The following CRYBG3 variants were observed in gnomAD, a reference collection of about 807,000 sequenced individuals.
CRYBG3 encodes crystallin beta-gamma domain containing 3.
Under a neutral mutation model 244.2 loss-of-function variants are expected in CRYBG3, and 127 were observed. The observed-to-expected ratio is 0.52, with a 90% CI of 0.45 to 0.60. CRYBG3 has a LOEUF of 0.60. CRYBG3 is among the 20% of genes least tolerant of loss of function. The probability of loss-of-function intolerance (pLI) is 0.00; values close to 1 mark genes in which losing one functional copy is unlikely to be tolerated. For missense variants in CRYBG3, 3,325 were observed against 3,442.5 expected, an observed-to-expected ratio of 0.97 and a Z score of 0.85; for synonymous variants, 1,132 against 1,195.8, an observed-to-expected ratio of 0.95 and a Z score of 1.10.
At chr3:97,924,077 G>A (rs576794204) in intron 17 of CRYBG3, 1 of 169,334 alleles carries the variant, frequency 5.9e-6, no homozygotes, top group African/African-American at 2.4e-5. Flanking sequence ...TAATTAGTGG[G>A]AATCAGTACA....
At chr3:97,902,079 G>A (rs76733012) in intron 15 of CRYBG3, among the ~76,000 whole-genome samples, 1,779 of 152,178 alleles carry the variant, frequency 0.012, 25 homozygotes, top group African/African-American at 0.04. Flanking sequence ...TGGCTGACAC[G>A]CTGGTTCCGT....
rs186660064 is a variant in CRYBG3, at chr3:97,873,743, A to G, written c.2549A>G (p.Asn850Ser). The G allele has an allele frequency of 3.1e-5, 48 of 1,535,780 alleles. No homozygotes were observed. In the African/African-American group the frequency reaches 6.2e-4, roughly 20 times the overall value. ...TCTCTTTCAAAAGTGGAGCCCAGAAACATTTCTCAGGATAAAATGTCTTCT... is the reference window on the plus strand; with the variant it reads ...TCTCTTTCAAAAGTGGAGCCCAGAAGCATTTCTCAGGATAAAATGTCTTCT... Reference protein sequence around the residue: ...KVSLSKVEPRNISQDKMSSFP... With the variant: ...KVSLSKVEPRSISQDKMSSFP... The change falls in exon 4 of 22, where the codon AAC becomes AGC. Residue 850 changes from asparagine to serine, a missense_variant. Physicochemically the swap from Asn to Ser is conservative, Grantham distance 46. Around this residue, in one of 4 missense-constraint regions of CRYBG3, gnomAD observed 1,526 missense variants for 1,443.2 expected, o/e 1.06. Coordinates refer to ENST00000389622, the MANE Select transcript of CRYBG3 (RefSeq NM_153605.4).
Position 97,876,994 on chromosome 3 carries a change from TC to T in CRYBG3, c.5804del (p.Pro1935LeufsTer3). ...RLPTYFRGYE[S>X]PTLSKDYEGY... ...TCCTACATATTTCAGGGGATATGAA[TC>T]CCCTACATTAAGTAAGGATTATGAG... On this transcript the variant is annotated frameshift_variant, in exon 4 of 22. Coordinates refer to ENST00000389622, the MANE Select transcript of CRYBG3 (RefSeq NM_153605.4). LOFTEE classifies it high-confidence loss of function. 1 of 1,522,134 alleles carries T rather than the reference TC, an allele frequency of 6.6e-7. No homozygotes were observed. The highest frequency in any genetic ancestry group is 2.3e-5 in the East Asian group (1 of 44,046). 94.3% of individuals were successfully genotyped at this position (1,522,134 alleles called of 1,614,324 possible).
Position 97,873,566 on chromosome 3 carries a change from A to C in CRYBG3, c.2372A>C (p.Lys791Thr), listed in dbSNP as rs2039331398. 1 of 1,535,250 alleles carries C rather than the reference A, an allele frequency of 6.5e-7. No homozygotes were observed. Among genetic ancestry groups the C allele is most frequent in the African/African-American group, 1.4e-5 (1 of 72,612 alleles). ...GTAGAGTTAGTGTCTTCAAACACTAAAGCAAATATGAGCATAATAGAGAAG... is the reference window on the plus strand; with the variant it reads ...GTAGAGTTAGTGTCTTCAAACACTACAGCAAATATGAGCATAATAGAGAAG... Reference protein sequence around the residue: ...NRVELVSSNTKANMSIIEKSD... With the variant: ...NRVELVSSNTTANMSIIEKSD... Residue 791 changes from lysine (K) to threonine (T), a missense_variant, in exon 4 of 22, where the codon AAA (lysine) becomes ACA (threonine). Around this residue, in one of 4 missense-constraint regions of CRYBG3, gnomAD observed 1,526 missense variants for 1,443.2 expected, o/e 1.06. Transcript: ENST00000389622.
At position 97,872,440 on chromosome 3, in the gene CRYBG3, A is replaced by G; in HGVS notation, c.1246A>G (p.Ser416Gly). The G allele has an allele frequency of 6.5e-7, 1 of 1,535,992 alleles. No homozygotes were observed. The highest frequency in any genetic ancestry group is 8.7e-7 in the Non-Finnish European group (1 of 1,146,796). The change falls in exon 4 of 22, where the codon AGT becomes GGT. Residue 416 changes from serine to glycine, a missense_variant. Ser to Gly is a moderately conservative substitution (Grantham distance 56, BLOSUM62 0). Transcript: ENST00000389622. ...NTIKENSTVM[S>G]NRTLVQREEL... The stretch of plus-strand genomic sequence containing the variant: ...GATAAAAGAAAACAGCACTGTGATG[A>G]GTAATAGGACATTGGTGCAAAGAGA...
chr3:97,870,135 A>C (rs756551387), intron 3 of CRYBG3, among the ~76,000 whole-genome samples: 4 of 152,154 alleles, frequency 2.6e-5, no homozygotes, highest in Non-Finnish European at 5.9e-5. Flanking sequence ...GTTTTTTTAA[A>C]AAATAATTTC....
Position 97,875,531 on chromosome 3 carries a change from G to T in CRYBG3, c.4337G>T (p.Arg1446Leu). 7.1e-6 allele frequency: 9 copies of T among 1,264,194 alleles called. No homozygotes were observed. Among genetic ancestry groups the T allele is most frequent in the African/African-American group, 1.5e-5 (1 of 64,800 alleles). The allele number at this position is 1,264,194 out of a possible 1,614,324, so 78.3% of individuals were successfully genotyped here. The change falls in exon 4 of 22, where the codon CGC becomes CTC. Residue 1446 changes from arginine (R) to leucine (L), a missense_variant. Physicochemically the swap from Arg to Leu is moderately radical, Grantham distance 102. Around this residue, in one of 4 missense-constraint regions of CRYBG3, gnomAD observed 635 missense variants for 771.7 expected, o/e 0.82. Coordinates refer to ENST00000389622, the MANE Select transcript of CRYBG3 (RefSeq NM_153605.4). ...GATAGGGTAAAAACACATTTATTTCGCAGTGAGGACTGTAATGAGACAATG... is the reference window on the plus strand; with the variant it reads ...GATAGGGTAAAAACACATTTATTTCTCAGTGAGGACTGTAATGAGACAATG... The part of the protein sequence containing the change: ...LDDRVKTHLF[R>L]SEDCNETMEI...
At chr3:97,913,031 TC>T (rs1426338386) in intron 16 of CRYBG3, among the ~76,000 whole-genome samples, 4 of 152,130 alleles carry the variant, frequency 2.6e-5, no homozygotes, top group African/African-American at 9.7e-5. Context: ...TCCTCCTTTC[TC>T]CCTTGAATCA....
chr3:97,941,272 T>A lies in CRYBG3; in HGVS notation c.8630T>A (p.Ile2877Asn), dbSNP rs2040226511. The part of the protein sequence containing the change: ...ISPYSGKNTQ[I>N]WYYCRGLFKS... ...CCCTATAGTGGAAAGAATACTCAGA[T>A]CTGGTACTACTGCCGAGGACTCTTT... Residue 2877 changes from isoleucine to asparagine, a missense_variant, in exon 20 of 22, where the codon ATC (isoleucine) becomes AAC (asparagine). By Grantham distance (149) the Ile-to-Asn change is moderately radical. Coordinates refer to ENST00000389622, the MANE Select transcript of CRYBG3 (RefSeq NM_153605.4). 6.2e-7 allele frequency: 1 copy of A among 1,610,836 alleles called. No homozygotes were observed. The highest frequency in any genetic ancestry group is 1.3e-5 in the African/African-American group (1 of 74,836).
intron 1 of CRYBG3, among the ~76,000 whole-genome samples, chr3:97,829,933 C>A (rs1346568548): frequency 1.3e-5 from 2 of 152,034 alleles, no homozygotes; most frequent in Non-Finnish European, 2.9e-5. Context: ...TTTTTTCAAT[C>A]TCATTTAAGC....
chr3:97,853,143 C>G (rs1460947689), intron 2 of CRYBG3, among the ~76,000 whole-genome samples: 1 of 151,994 alleles, frequency 6.6e-6, no homozygotes, highest in Non-Finnish European at 1.5e-5. Context: ...AATGTGTAGT[C>G]TTTTATCCCT....
At chr3:97,880,175 T>C (rs1246554125) in intron 6 of CRYBG3, 75 bp downstream of exon 6, 2 of 748,696 alleles carry the variant, frequency 2.7e-6, no homozygotes, top group African/African-American at 1.8e-5. Flanking sequence ...TGCTTTTTTT[T>C]CTATTTTTTA....
chr3:97,905,655 G>C (rs1252669469), intron 15 of CRYBG3, among the ~76,000 whole-genome samples: 1 of 150,236 alleles, frequency 6.7e-6, no homozygotes, highest in African/African-American at 2.4e-5. Context: ...CCCTTTGTCA[G>C]ATGAGTAGGT....
chr3:97,878,371 G>C (rs1434937527), intron 4 of CRYBG3, among the ~76,000 whole-genome samples: 1 of 152,170 alleles, frequency 6.6e-6, no homozygotes, highest in Non-Finnish European at 1.5e-5. Context: ...GATCGCACCA[G>C]TGCACTCCAG....
At chr3:97,822,539 G>T (rs1576502438) in intron 1 of CRYBG3, among the ~76,000 whole-genome samples, 184 bp downstream of exon 1, 1 of 152,182 alleles carries the variant, frequency 6.6e-6, no homozygotes, top group South Asian at 2.1e-4. Context: ...CGCACTACTC[G>T]CCTCTCCTCT....
At chr3:97,827,990 A>G (rs749819645) in intron 1 of CRYBG3, among the ~76,000 whole-genome samples, 1 of 152,204 alleles carries the variant, frequency 6.6e-6, no homozygotes, top group Non-Finnish European at 1.5e-5. Context: ...AGAGCTATGG[A>G]CAATCAAGAA....
chr3:97,891,067 G>A (rs556295854), intron 10 of CRYBG3, among the ~76,000 whole-genome samples: 1 of 152,156 alleles, frequency 6.6e-6, no homozygotes, highest in South Asian at 2.1e-4. Flanking sequence ...TTGCATGTCT[G>A]TTTCTTCTCA....
At chr3:97,924,867 G>C (rs113736587) in intron 17 of CRYBG3, among the ~76,000 whole-genome samples, 5,369 of 152,138 alleles carry the variant, frequency 0.035, 298 homozygotes, top group African/African-American at 0.12. Flanking sequence ...CATATTCACA[G>C]GTTCTAAGAA....
chr3:97,890,639 A>G (rs1271957644), intron 10 of CRYBG3, among the ~76,000 whole-genome samples: 2 of 152,202 alleles, frequency 1.3e-5, no homozygotes, highest in African/African-American at 2.4e-5. Context: ...CCTAACATGG[A>G]AAAGTGCAGG....
Sources: gnomAD v4.1 joint callset for allele counts (sites outside exome capture counted in the v4.1 genomes callset) on GRCh38, gnomAD v4.1.1 for gene constraint, gnomAD v4.1.1 regional missense constraint, MANE v1.5 for transcripts, NCBI Gene and HGNC (gene_info 2026-07-23, HGNC 2026-07-21) for gene names.